EEFSEC: variants seen among roughly 807,000 people sequenced by gnomAD.
EEFSEC encodes eukaryotic elongation factor, selenocysteine-tRNA specific.
In EEFSEC, 43 loss-of-function variants were observed where a neutral mutation model predicts 42.1. The observed-to-expected ratio is 1.02, with a 90% CI of 0.80 to 1.32. EEFSEC has a LOEUF of 1.32. EEFSEC is among the 40% of genes most tolerant of loss of function. EEFSEC has a pLI of 0.00. For missense variants in EEFSEC, 745 were observed against 803.6 expected (o/e 0.93, Z 0.88); for synonymous variants, 354 against 339.1 (o/e 1.04, Z -0.48).
At chr3:128,169,818 C>A (rs989305563) in intron 1 of EEFSEC, among the ~76,000 whole-genome samples, 3 of 152,178 alleles carry the variant, frequency 2.0e-5, no homozygotes, top group African/African-American at 4.8e-5. Flanking sequence ...AAATAAAATT[C>A]CCCTGACACC....
chr3:128,315,371 A>T (rs1229235255), intron 4 of EEFSEC, among the ~76,000 whole-genome samples: 1 of 152,222 alleles, frequency 6.6e-6, no homozygotes, highest in African/African-American at 2.4e-5. Flanking sequence ...GGATCTTTGA[A>T]TTGATGACCA....
intron 1 of EEFSEC, among the ~76,000 whole-genome samples, chr3:128,196,325 ATATATG>A (rs1165239114): frequency 1.3e-5 from 2 of 152,224 alleles, no homozygotes; most frequent in Non-Finnish European, 1.5e-5. Flanking sequence ...TGATTCTACT[ATATATG>A]TAAGATTTTT....
intron 6 of EEFSEC, among the ~76,000 whole-genome samples, chr3:128,360,704 T>TG (rs1377452855): frequency 2.2e-5 from 3 of 136,462 alleles, no homozygotes; most frequent in Non-Finnish European, 4.8e-5. Context: ...GGGGTAGGAG[T>TG]GGAGGGAGCC....
intron 1 of EEFSEC, among the ~76,000 whole-genome samples, chr3:128,186,840 C>T (rs568086713): frequency 2.0e-5 from 3 of 152,126 alleles, no homozygotes; most frequent in African/African-American, 7.2e-5. Context: ...CCCCCAGCGG[C>T]TTAGGGATTA....
chr3:128,272,554 G>A (rs1462041828), intron 4 of EEFSEC, among the ~76,000 whole-genome samples: 5 of 152,174 alleles, frequency 3.3e-5, no homozygotes, highest in Non-Finnish European at 7.3e-5. Context: ...TGTCTGCCCC[G>A]CCTCAGAACT....
downstream of EEFSEC, among the ~76,000 whole-genome samples, chr3:128,412,061 C>T (rs140831697): frequency 1.4e-3 from 219 of 152,282 alleles, no homozygotes; most frequent in African/African-American, 5.1e-3. Context: ...GAAGGAGGAT[C>T]GAGTCCAGTG....
At chr3:128,387,481 C>T (rs1328187243) in intron 6 of EEFSEC, among the ~76,000 whole-genome samples, 4 of 151,950 alleles carry the variant, frequency 2.6e-5, no homozygotes, top group East Asian at 3.9e-4. Flanking sequence ...GTCTGGGGGG[C>T]GTCGAAGAGT....
At chr3:128,184,891 C>T (rs553382447) in intron 1 of EEFSEC, among the ~76,000 whole-genome samples, 3 of 152,162 alleles carry the variant, frequency 2.0e-5, no homozygotes, top group Non-Finnish European at 4.4e-5. Context: ...ACAGGTCTGG[C>T]ATGGCATGAT....
At chr3:128,379,067 C>T (rs1356068063) in intron 6 of EEFSEC, among the ~76,000 whole-genome samples, 1 of 152,222 alleles carries the variant, frequency 6.6e-6, no homozygotes, top group African/African-American at 2.4e-5. Flanking sequence ...TCCTGGGTGT[C>T]TTAGCCCGCC....
intron 4 of EEFSEC, among the ~76,000 whole-genome samples, chr3:128,274,780 A>G (rs2999061): frequency 0.84 from 127,607 of 152,242 alleles, 53,983 homozygotes; most frequent in East Asian, 0.99. Context: ...GGTCCCAGGC[A>G]TAAACGGCCA....
chr3:128,227,471 C>G (rs2065919883), intron 1 of EEFSEC, among the ~76,000 whole-genome samples: 4 of 152,164 alleles, frequency 2.6e-5, no homozygotes, highest in Admixed American at 2.6e-4. Context: ...CCAAGCCCTT[C>G]CAGCACCTTC....
At chr3:128,206,696 A>G (rs1489882343) in intron 1 of EEFSEC, among the ~76,000 whole-genome samples, 3 of 152,208 alleles carry the variant, frequency 2.0e-5, no homozygotes, top group Admixed American at 6.5e-5. Flanking sequence ...TTGCTTATTA[A>G]CGTTGGTTGC....
At chr3:128,417,994 G>A in the EEFSEC span, among the ~76,000 whole-genome samples, 5 of 152,142 alleles carry the variant, frequency 3.3e-5, no homozygotes, top group Admixed American at 2.0e-4. The surrounding 1 kb of genome is among the most constrained non-coding windows in gnomAD (Gnocchi z 4.3). Flanking sequence ...GGCCCCAGGG[G>A]CCTTCCCATC....
intron 5 of EEFSEC, among the ~76,000 whole-genome samples, chr3:128,357,667 G>A (rs936377002): frequency 4.6e-5 from 7 of 152,148 alleles, no homozygotes; most frequent in African/African-American, 1.7e-4. Context: ...TGTGGGAGGG[G>A]AAACCAGAGT....
intron 2 of EEFSEC, among the ~76,000 whole-genome samples, chr3:128,255,884 G>A (rs922789034): frequency 6.6e-6 from 1 of 152,114 alleles, no homozygotes; most frequent in Non-Finnish European, 1.5e-5. Context: ...TGGGTTCCTG[G>A]AAGGCCCCCA....
chr3:128,254,580 A>G (rs944171533), intron 2 of EEFSEC, among the ~76,000 whole-genome samples: 25 of 152,272 alleles, frequency 1.6e-4, no homozygotes, highest in African/African-American at 6.0e-4. Flanking sequence ...TCAGGCTGCC[A>G]TTGCCTGGGT....
chr3:128,426,010 G>A, the EEFSEC span, among the ~76,000 whole-genome samples: 1 of 152,236 alleles, frequency 6.6e-6, no homozygotes, highest in East Asian at 1.9e-4. Flanking sequence ...TGAATGCTGA[G>A]TTCCAGGGAC....
At chr3:128,370,662 G>C (rs990800311) in intron 6 of EEFSEC, among the ~76,000 whole-genome samples, 4 of 152,206 alleles carry the variant, frequency 2.6e-5, no homozygotes, top group Admixed American at 2.6e-4. Context: ...CCCCAGCCCA[G>C]CTCTGTTTCA....
At chr3:128,206,098 C>T (rs1479968620) in intron 1 of EEFSEC, among the ~76,000 whole-genome samples, 1 of 152,122 alleles carries the variant, frequency 6.6e-6, no homozygotes, top group African/African-American at 2.4e-5. Context: ...GCTGGTATTT[C>T]ATTTTATATC....
Sources: gnomAD v4.1 joint callset for allele counts (sites outside exome capture counted in the v4.1 genomes callset) on GRCh38, gnomAD v4.1.1 for gene constraint, Gnocchi (gnomAD v3.1) non-coding constraint, MANE v1.5 for transcripts, NCBI Gene and HGNC (gene_info 2026-07-23, HGNC 2026-07-21) for gene names.